The following MAPK10 variants were observed in gnomAD, a reference collection of about 807,000 sequenced individuals.
The protein encoded by MAPK10 is JNK3 alpha protein kinase.
A neutral mutation model predicts 59.3 loss-of-function variants in MAPK10; 25 were observed. The observed-to-expected ratio is 0.42, with a 90% CI of 0.31 to 0.59. MAPK10 has a LOEUF of 0.59. Among genes scored for constraint, MAPK10 ranks in the 20% least tolerant of loss-of-function variants. MAPK10 has a pLI of 0.15. For missense variants in MAPK10, 351 were observed against 568.9 expected, an observed-to-expected ratio of 0.62 and a Z score of 3.90; for synonymous variants, 190 against 200.5, an observed-to-expected ratio of 0.95 and a Z score of 0.44.
chr4:86,160,214 T>C (rs1053134189), intron 3 of MAPK10: 2 of 151,900 alleles, frequency 1.3e-5, no homozygotes, highest in African/African-American at 4.8e-5. Flanking sequence ...AATTTTGAAC[T>C]ATAATACATA....
At chr4:86,360,348 C>T, upstream of MAPK10, 1 of 222,114 alleles carries the variant, frequency 4.5e-6, no homozygotes, top group Non-Finnish European at 7.6e-6. Flanking sequence ...TGGCCCTTTG[C>T]ACAGCAGCAC....
chr4:86,565,709 T>C (rs1761011688), intron 1 of MAPK10, among the ~76,000 whole-genome samples: 1 of 152,246 alleles, frequency 6.6e-6, no homozygotes, highest in South Asian at 2.1e-4. Context: ...TTAGCTTGCA[T>C]ACAATATTTT....
chr4:86,397,888 A>AAC (rs1743168889), intron 1 of MAPK10, among the ~76,000 whole-genome samples: 2 of 151,044 alleles, frequency 1.3e-5, no homozygotes, highest in African/African-American at 4.9e-5. Flanking sequence ...AAAAAAAAAA[A>AAC]AACTGGCTTT....
intron 1 of MAPK10, among the ~76,000 whole-genome samples, chr4:86,503,180 T>C (rs921186758): frequency 2.0e-5 from 3 of 152,130 alleles, no homozygotes; most frequent in African/African-American, 7.2e-5. Context: ...CTGAATTCTG[T>C]TAATGCAACC....
intron 1 of MAPK10, among the ~76,000 whole-genome samples, chr4:86,506,988 G>A (rs1755790442): frequency 6.6e-6 from 1 of 152,024 alleles, no homozygotes; most frequent in Non-Finnish European, 1.5e-5. Context: ...TAAGGAATAT[G>A]TATCAGAAAT....
chr4:86,078,446 C>T (rs139128877), intron 9 of MAPK10, among the ~76,000 whole-genome samples: 2 of 152,002 alleles, frequency 1.3e-5, no homozygotes, highest in African/African-American at 4.8e-5. Context: ...GAATTCTGCC[C>T]CTCATCATCT....
intron 1 of MAPK10, among the ~76,000 whole-genome samples, chr4:86,567,477 C>T (rs1336540097): frequency 6.6e-6 from 1 of 152,196 alleles, no homozygotes; most frequent in Non-Finnish European, 1.5e-5. Context: ...GCCTCGGCCT[C>T]CCAAAGTGCT....
At chr4:86,328,352 T>G (rs775084585) in intron 2 of MAPK10, among the ~76,000 whole-genome samples, 1 of 152,026 alleles carries the variant, frequency 6.6e-6, no homozygotes, top group Non-Finnish European at 1.5e-5. Context: ...CACGAAACAA[T>G]AGATGCTGAC....
intron 1 of MAPK10, among the ~76,000 whole-genome samples, chr4:86,432,660 T>C (rs1036205218): frequency 6.6e-6 from 1 of 152,164 alleles, no homozygotes; most frequent in Admixed American, 6.5e-5. Flanking sequence ...GGAACTTCAT[T>C]AGGGAGTGGC....
Position 86,424,994 on chromosome 4 carries a change from T to C in MAPK10, c.-122+28036A>G, listed in dbSNP as rs150795334. ...AGTGAACTGCCTAAGGAAAGACCAT[T>C]GTGAAGAAACAGCAGAATGTCAAGG... On this transcript the variant is annotated intron_variant, in intron 1 of 13. Transcript: ENST00000361569. Among the ~76,000 whole-genome samples, 1,165 of 152,144 alleles carry C rather than the reference T, an allele frequency of 7.7e-3. 17 individuals are homozygous for C. The highest frequency in any genetic ancestry group is 0.027 in the African/African-American group (1,115 of 41,520).
chr4:86,194,360 C>G lies in MAPK10; in HGVS notation c.42G>C (p.Leu14Phe), dbSNP rs778475490. Reference sequence around the variant, plus strand: ...CCTGACAAAAGGCAATTTTCACATCCAATGTTGGTTCACTGCAGTAGTATA... The same window carrying G: ...CCTGACAAAAGGCAATTTTCACATCGAATGTTGGTTCACTGCAGTAGTATA... ...HFLYYCSEPT[L>F]DVKIAFCQGF... The change falls in exon 3 of 14, where the codon TTG becomes TTC. Residue 14 changes from leucine to phenylalanine, a missense_variant. Leu to Phe is a conservative substitution (Grantham distance 22). Coordinates refer to ENST00000641462, the MANE Select transcript of MAPK10 (RefSeq NM_138982.4). 4.2e-5 allele frequency: 68 copies of G among 1,613,352 alleles called. No individual in the cohort carries two copies. The highest frequency in any genetic ancestry group is 1.2e-4 in the Admixed American group (7 of 59,974).
chr4:86,206,531 C>A (rs7677406), intron 2 of MAPK10, among the ~76,000 whole-genome samples: 1 of 151,976 alleles, frequency 6.6e-6, no homozygotes, highest in Admixed American at 6.6e-5. Flanking sequence ...TTTATAGCAG[C>A]ATGATTTATA....
In MAPK10 at chr4:86,029,271, A is replaced by G; in HGVS notation, c.1178T>C (p.Leu393Pro). The change falls in exon 13 of 14, where the codon CTT becomes CCT. Residue 393 changes from leucine to proline, a missense_variant. Leu to Pro is a moderately conservative substitution (Grantham distance 98). Around this residue, in one of 5 missense-constraint regions of MAPK10, gnomAD observed 155 missense variants for 204.2 expected, o/e 0.76. Transcript: ENST00000641462. ...REHTIEEWKE[L>P]IYKEVMNSEE... ...TGAATTCATTACTTCCTTGTAGATAAGTTCTGTAAGAAACAGCTGTGTTAT... is the reference window on the plus strand; with the variant it reads ...TGAATTCATTACTTCCTTGTAGATAGGTTCTGTAAGAAACAGCTGTGTTAT... 1 of 1,599,168 alleles carries G rather than the reference A, an allele frequency of 6.3e-7. No individual in the cohort carries two copies. The highest frequency in any genetic ancestry group is 8.6e-7 in the Non-Finnish European group (1 of 1,167,068).
At chr4:86,074,178 T>A (rs1184290860) in intron 9 of MAPK10, among the ~76,000 whole-genome samples, 1 of 117,508 alleles carries the variant, frequency 8.5e-6, no homozygotes, top group East Asian at 2.2e-4. Context: ...TGATCTTTGT[T>A]GGCTTAAAGT....
intron 2 of MAPK10, among the ~76,000 whole-genome samples, chr4:86,201,851 C>T (rs1242965441): frequency 6.6e-6 from 1 of 151,608 alleles, no homozygotes; most frequent in East Asian, 1.9e-4. Context: ...CTAGAGTTAA[C>T]ACCCTACATT....
chr4:86,139,577 A>G (rs1383245308), intron 4 of MAPK10, among the ~76,000 whole-genome samples: 1 of 152,180 alleles, frequency 6.6e-6, no homozygotes, highest in Non-Finnish European at 1.5e-5. Flanking sequence ...AACCATAAAA[A>G]CCCTAGAAGA....
At chr4:86,496,716 G>C (rs1291127694) in intron 1 of MAPK10, among the ~76,000 whole-genome samples, 2 of 152,128 alleles carry the variant, frequency 1.3e-5, no homozygotes, top group African/African-American at 4.8e-5. Context: ...TATAAAACAA[G>C]CATAAAGAAA....
In MAPK10 at chr4:86,194,359, C is replaced by T; in HGVS notation, c.43G>A (p.Asp15Asn). ...FLYYCSEPTLDVKIAFCQGFD... is the reference protein window; with the variant it reads ...FLYYCSEPTLNVKIAFCQGFD... ...ACCTGACAAAAGGCAATTTTCACAT[C>T]CAATGTTGGTTCACTGCAGTAGTAT... The change falls in exon 3 of 14, where the codon GAT becomes AAT. Residue 15 changes from aspartate (D) to asparagine (N), a missense_variant. Asp to Asn is a conservative substitution (Grantham distance 23). Transcript: ENST00000641462. 3 of 1,613,502 alleles carry T rather than the reference C, an allele frequency of 1.9e-6. No homozygotes were observed. The East Asian group carries it at 6.7e-5, about 36-fold the overall frequency.
At chr4:86,403,212 C>T (rs1418258413) in intron 1 of MAPK10, among the ~76,000 whole-genome samples, 1 of 152,040 alleles carries the variant, frequency 6.6e-6, no homozygotes, top group Non-Finnish European at 1.5e-5. Flanking sequence ...AGTCCATTTT[C>T]ACACTACTAT....
Sources: allele counts gnomAD v4.1 joint callset (sites outside exome capture counted in the v4.1 genomes callset), GRCh38; gene constraint gnomAD v4.1.1; regional missense constraint gnomAD v4.1.1; transcripts MANE v1.5; gene names NCBI Gene and HGNC (gene_info 2026-07-23, HGNC 2026-07-21).